The following SEPTIN8 variants were observed in gnomAD, a reference collection of about 807,000 sequenced individuals.
SEPTIN8 encodes the protein septin 8, also known as septin-8.
A neutral mutation model predicts 53.1 loss-of-function variants in SEPTIN8; 22 were observed. The observed-to-expected ratio is 0.41, with a 90% confidence interval of 0.30 to 0.59. SEPTIN8 has a LOEUF of 0.59. Among genes scored for constraint, SEPTIN8 ranks in the 20% least tolerant of loss-of-function variants. The probability of loss-of-function intolerance (pLI) is 0.24; values close to 1 mark genes in which losing one functional copy is unlikely to be tolerated. For synonymous variants in SEPTIN8, 228 were observed against 248.4 expected (o/e 0.92, Z 0.77); for missense variants, 536 against 638.7 (o/e 0.84, Z 1.73).
chr5:132,778,078 CACTT>C (rs1423435541), upstream of SEPTIN8: 2 of 985,430 alleles, frequency 2.0e-6, no homozygotes, highest in Non-Finnish European at 1.2e-6. Context: ...AGAAAATTAA[CACTT>C]ACGCCAGGGT....
upstream of SEPTIN8, chr5:132,777,484 G>A (rs926206207): frequency 7.2e-6 from 7 of 971,724 alleles, no homozygotes; most frequent in South Asian, 2.9e-4. This position sits in a 1 kb window ranked among gnomAD's most constrained non-coding sequence, Gnocchi z 4.1. Flanking sequence ...CGGGGGGCTC[G>A]GGGCTGGTGC....
At chr5:132,764,147 G>A in intron 3 of SEPTIN8, 77 bp downstream of exon 3, 1 of 1,451,890 alleles carries the variant, frequency 6.9e-7, no homozygotes, top group South Asian at 1.3e-5. Context: ...GCAGTGTGAG[G>A]GCTGGGCTAC....
At chr5:132,754,191 AC>A in intron 9 of SEPTIN8, 1 of 527,092 alleles carries the variant, frequency 1.9e-6, no homozygotes, top group South Asian at 2.7e-5. Context: ...ATTTTGAGCT[AC>A]CATGCATTTA....
chr5:132,765,558 G>A (rs1185364309), intron 1 of SEPTIN8, 29 bp from the exon 2 acceptor site: 1 of 1,553,190 alleles, frequency 6.4e-7, no homozygotes, highest in Non-Finnish European at 8.7e-7. Flanking sequence ...AGCAAGACAT[G>A]AGCCCACTGG....
rs1467397303 is a variant in SEPTIN8 at position 132,764,231 on chromosome 5, C to T, written c.340G>A (p.Asp114Asn). Residue 114 changes from aspartate to asparagine, a missense_variant, in exon 3 of 10, where the codon GAT becomes AAT. Physicochemically the swap from Asp to Asn is conservative, Grantham distance 23. This residue lies in a region of SEPTIN8 where 395 missense variants were observed against 451.8 expected (regional missense o/e 0.87). Coordinates refer to ENST00000378719, the MANE Select transcript of SEPTIN8 (RefSeq NM_001098811.2). ...GCCCTTCCCGCCTCTTGCCTCTCAT[C>T]CTTATTGATCTGATCCCCAAAGCCC... ...AVGFGDQINK[D>N]ESYRPIVDYI... The T allele has an allele frequency of 1.2e-6, 2 of 1,611,980 alleles. No homozygotes were observed. The highest frequency in any genetic ancestry group is 2.2e-5 in the South Asian group (2 of 90,806).
Position 132,776,608 on chromosome 5 carries a change from G to A in SEPTIN8, c.30+500C>T, listed in dbSNP as rs1469702109. On this transcript the variant is annotated intron_variant, in intron 1 of 9. Coordinates refer to ENST00000378719, the MANE Select transcript of SEPTIN8 (RefSeq NM_001098811.2). This position sits in a 1 kb window ranked among gnomAD's most constrained non-coding sequence, Gnocchi z 4.4. ...GGGAGGAAGGAAAAGCAGGCCAAGGGTCTTCAGGACTCAAGTCTGCAACTG... is the reference window on the plus strand; with the variant it reads ...GGGAGGAAGGAAAAGCAGGCCAAGGATCTTCAGGACTCAAGTCTGCAACTG... Among the ~76,000 whole-genome samples the A allele has an allele frequency of 1.3e-5, 2 of 152,182 alleles. No individual in the cohort carries two copies. The highest frequency in any genetic ancestry group is 2.4e-5 in the African/African-American group (1 of 41,446).
chr5:132,758,346 C>G (rs1755536500), intron 9 of SEPTIN8: 1 of 1,395,448 alleles, frequency 7.2e-7, no homozygotes, highest in Non-Finnish European at 9.3e-7. Flanking sequence ...TAAAATTAAG[C>G]TGTAGGTTAG....
At chr5:132,763,665 A>C (rs1474980228) in intron 4 of SEPTIN8, 41 bp downstream of exon 4, 1 of 1,579,978 alleles carries the variant, frequency 6.3e-7, no homozygotes, top group South Asian at 1.1e-5. Flanking sequence ...ATCGCAGCAG[A>C]AGACTATGGA....
chr5:132,760,466 C>G lies in SEPTIN8; in HGVS notation c.1286+336G>C, dbSNP rs1290868617. Among the ~76,000 whole-genome samples, 2 of 151,226 alleles carry G rather than the reference C, an allele frequency of 1.3e-5. No individual in the cohort carries two copies. Among genetic ancestry groups the G allele is most frequent in the Non-Finnish European group, 2.9e-5 (2 of 67,936 alleles). Reference sequence around the variant, plus strand: ...AGCTGCCAAGGGGGCTATGGGAGAGCGAATGGGTGAGCAAGAAAGTTGGAG... The same window carrying G: ...AGCTGCCAAGGGGGCTATGGGAGAGGGAATGGGTGAGCAAGAAAGTTGGAG... On this transcript the variant is annotated intron_variant, in intron 9 of 9. Coordinates refer to ENST00000378719, the MANE Select transcript of SEPTIN8 (RefSeq NM_001098811.2). The surrounding 1 kb of genome is among the most constrained non-coding windows in gnomAD (Gnocchi z 5.2).
At chr5:132,752,286 T>G in intron 9 of SEPTIN8, 105 bp from the exon 10 acceptor site, 1 of 1,382,912 alleles carries the variant, frequency 7.2e-7, no homozygotes, top group South Asian at 1.5e-5. Context: ...TTTGCCCTTG[T>G]AGCCTCTGGA....
chr5:132,764,125 C>T (rs1756312977), intron 3 of SEPTIN8, 99 bp downstream of exon 3: 5 of 1,308,288 alleles, frequency 3.8e-6, no homozygotes, highest in Non-Finnish European at 5.3e-6. Flanking sequence ...AAGAGGCCCT[C>T]CCTGGCCCCC....
In SEPTIN8 at chr5:132,761,043, G is replaced by A; in HGVS notation, c.1096-51C>T. ...TGCGGGGAGCAAGAGGAGGGCTTGA[G>A]CCTGGGCCAGGAAGGCACCCCCACC... On this transcript the variant is annotated intron_variant, in intron 8 of 9. Coordinates refer to ENST00000378719, the MANE Select transcript of SEPTIN8 (RefSeq NM_001098811.2). This position sits in a 1 kb window ranked among gnomAD's most constrained non-coding sequence, Gnocchi z 5.8. 1 of 1,597,524 alleles carries A rather than the reference G, an allele frequency of 6.3e-7. No individual in the cohort carries two copies. The highest frequency in any genetic ancestry group is 8.5e-7 in the Non-Finnish European group (1 of 1,171,022).
rs984025956 is a variant in SEPTIN8, at chr5:132,763,807, A to G, written c.433T>C (p.Tyr145His). 1 of 1,612,278 alleles carries G rather than the reference A, an allele frequency of 6.2e-7. No individual in the cohort carries two copies. The highest frequency in any genetic ancestry group is 8.5e-7 in the Non-Finnish European group (1 of 1,179,342). ...ELKIRRSLFD[Y>H]HDTRIHVCLY... ...CAAACGTGGATCCTTGTGTCATGGTAGTCGAAGAGCGAGCGGCGGATCTTC... is the reference window on the plus strand; with the variant it reads ...CAAACGTGGATCCTTGTGTCATGGTGGTCGAAGAGCGAGCGGCGGATCTTC... The change falls in exon 4 of 10, where the codon TAC becomes CAC. Residue 145 changes from tyrosine to histidine, a missense_variant. This residue lies in a region of SEPTIN8 where 395 missense variants were observed against 451.8 expected (regional missense o/e 0.87). Coordinates refer to ENST00000378719, the MANE Select transcript of SEPTIN8 (RefSeq NM_001098811.2).
At chr5:132,756,571 T>G in intron 9 of SEPTIN8, 1 of 985,474 alleles carries the variant, frequency 1.0e-6, no homozygotes, top group Non-Finnish European at 1.2e-6. Flanking sequence ...TGGCAAGTTT[T>G]AAGCTCACTT....
chr5:132,776,977 T>G lies in SEPTIN8; in HGVS notation c.30+131A>C. 4.0e-6 allele frequency: 2 copies of G among 494,560 alleles called. No individual in the cohort carries two copies. The highest frequency in any genetic ancestry group is 5.7e-6 in the Non-Finnish European group (2 of 351,530). The allele number at this position is 494,560 out of a possible 1,614,324, so 30.6% of individuals were successfully genotyped here. ...CGGCCGAGAGCCCGCGCCGGGGTCC[T>G]CGAGCTGGCCCGGTGTCGAGGCCCG... On this transcript the variant is annotated intron_variant, in intron 1 of 9. Coordinates refer to ENST00000378719, the MANE Select transcript of SEPTIN8 (RefSeq NM_001098811.2). This position sits in a 1 kb window ranked among gnomAD's most constrained non-coding sequence, Gnocchi z 4.4.
intron 1 of SEPTIN8, among the ~76,000 whole-genome samples, chr5:132,767,091 G>C (rs560466118): frequency 2.6e-5 from 4 of 152,200 alleles, no homozygotes; most frequent in African/African-American, 9.6e-5. Context: ...TCTCTCAACG[G>C]AGCCTCTTTT....
intron 9 of SEPTIN8, chr5:132,752,846 G>A: frequency 6.3e-7 from 1 of 1,594,460 alleles, no homozygotes; most frequent in Non-Finnish European, 8.6e-7. Flanking sequence ...CTTGAAGATG[G>A]CCACTCTATT....
intron 1 of SEPTIN8, among the ~76,000 whole-genome samples, chr5:132,771,036 C>T (rs913563982): frequency 1.6e-4 from 24 of 152,184 alleles, no homozygotes; most frequent in Admixed American, 1.2e-3. Flanking sequence ...CATGCCCGGC[C>T]GTCCAAGACA....
chr5:132,750,932 C>G lies in SEPTIN8; in HGVS notation c.*1084G>C. 2 of 1,614,276 alleles carry G rather than the reference C, an allele frequency of 1.2e-6. No homozygotes were observed. The highest frequency in any genetic ancestry group is 1.7e-6 in the Non-Finnish European group (2 of 1,180,044). On this transcript the variant is annotated 3_prime_UTR_variant, in exon 10 of 10. Coordinates refer to ENST00000378719, the MANE Select transcript of SEPTIN8 (RefSeq NM_001098811.2). Reference sequence around the variant, plus strand: ...CCCGAATGAGCTGCTGAGGATGGAGCTGGCTATTCTGGACAGACTGCACTG... The same window carrying G: ...CCCGAATGAGCTGCTGAGGATGGAGGTGGCTATTCTGGACAGACTGCACTG...
Sources: gnomAD v4.1 joint callset for allele counts (sites outside exome capture counted in the v4.1 genomes callset) on GRCh38, gnomAD v4.1.1 for gene constraint, gnomAD v4.1.1 regional missense constraint, Gnocchi (gnomAD v3.1) non-coding constraint, MANE v1.5 for transcripts, NCBI Gene and HGNC (gene_info 2026-07-23, HGNC 2026-07-21) for gene names.